The following DLGAP2 variants were observed in gnomAD, a reference collection of about 807,000 sequenced individuals.
The protein encoded by DLGAP2 is disks large-associated protein 2.
Under a neutral mutation model 100.3 loss-of-function variants are expected in DLGAP2, and 26 were observed. That is an observed-to-expected ratio of 0.26 (90% CI 0.19 to 0.36). The LOEUF is 0.36. DLGAP2 is among the 10% of genes least tolerant of loss of function. The pLI is 1.00. For synonymous variants in DLGAP2, 886 were observed against 630.1 expected (o/e 1.41, Z -6.08); for missense variants, 1,858 against 1,453.2 (o/e 1.28, Z -4.53).
intron 3 of DLGAP2, among the ~76,000 whole-genome samples, chr8:1,407,944 G>T (rs1039201322): frequency 1.3e-5 from 2 of 152,314 alleles, no homozygotes; most frequent in Non-Finnish European, 2.9e-5. Flanking sequence ...AGGGCTTCCA[G>T]CATTTCCTTG....
At chr8:1,081,112 A>G (rs1364437512) in intron 2 of DLGAP2, among the ~76,000 whole-genome samples, 16 of 152,172 alleles carry the variant, frequency 1.1e-4, no homozygotes, top group Admixed American at 9.2e-4. Flanking sequence ...ATTTTTTACA[A>G]TTGAAATAAT....
At chr8:892,461 T>A (rs939504782) in intron 1 of DLGAP2, among the ~76,000 whole-genome samples, 1 of 152,156 alleles carries the variant, frequency 6.6e-6, no homozygotes, top group Non-Finnish European at 1.5e-5. Flanking sequence ...AAGACCTTGC[T>A]GTGTGACTCC....
intron 3 of DLGAP2, among the ~76,000 whole-genome samples, chr8:1,368,107 T>TTGTATGTATGTAGGCATGTGCG (rs1563109128): frequency 6.6e-6 from 1 of 152,184 alleles, no homozygotes; most frequent in East Asian, 1.9e-4. Flanking sequence ...TGAGTGCTGA[T>TTGTATGTATGTAGGCATGTGCG]TGTATGTATG....
Position 1,502,930 on chromosome 8 carries a change from C to G in DLGAP2, c.172+1499C>G, listed in dbSNP as rs148229153. 9.2e-5 allele frequency among the ~76,000 whole-genome samples: 14 copies of G among 152,234 alleles called. No individual in the cohort carries two copies. The East Asian group carries it at 2.7e-3, about 30-fold the overall frequency. ...TGGGCTCAGGCACAGTGAAAAGAAC[C>G]TGGAGGCTGGAGCAGGGGGCACAGA... is the stretch of plus-strand genomic sequence containing the variant. On this transcript the variant is annotated intron_variant, in intron 4 of 14. Transcript: ENST00000637795.
chr8:1,379,050 T>C (rs928202112), intron 3 of DLGAP2, among the ~76,000 whole-genome samples: 1 of 152,228 alleles, frequency 6.6e-6, no homozygotes. Context: ...AATGAAAAAA[T>C]TCAATTTCTT....
chr8:1,349,720 G>A lies in DLGAP2; in HGVS notation c.106+90837G>A, dbSNP rs372396809. Reference sequence around the variant, plus strand: ...CATCCACGCATGTCATGAGCCTCCCGCCCACATCCACACACAGGTAGGAAG... The same window carrying A: ...CATCCACGCATGTCATGAGCCTCCCACCCACATCCACACACAGGTAGGAAG... On this transcript the variant is annotated intron_variant, in intron 3 of 14. Coordinates refer to ENST00000637795, the MANE Select transcript of DLGAP2 (RefSeq NM_001346810.2). 1.3e-5 allele frequency among the ~76,000 whole-genome samples: 2 copies of A among 151,514 alleles called. 1 individual carries two copies. Among genetic ancestry groups the A allele is most frequent in the Non-Finnish European group, 2.9e-5 (2 of 67,846 alleles).
chr8:1,420,375 A>G lies in DLGAP2; in HGVS notation c.107-80991A>G, dbSNP rs1284965842. 3.3e-5 allele frequency among the ~76,000 whole-genome samples: 5 copies of G among 152,178 alleles called. No homozygotes were observed. In the East Asian group the frequency reaches 9.6e-4, roughly 29 times the overall value. The stretch of plus-strand genomic sequence containing the variant: ...CAACAGTGTTCAGATAAATACACGT[A>G]AATGAAGCCTATTTCTGGCCACCTC... On this transcript the variant is annotated intron_variant, in intron 3 of 14. Coordinates refer to ENST00000637795, the MANE Select transcript of DLGAP2 (RefSeq NM_001346810.2).
chr8:1,268,825 G>T (rs531095728), intron 3 of DLGAP2, among the ~76,000 whole-genome samples: 2 of 152,216 alleles, frequency 1.3e-5, no homozygotes, highest in South Asian at 2.1e-4. Flanking sequence ...GTCTCACTCT[G>T]ACTTGGCAGG....
At chr8:891,762 A>C (rs989974772) in intron 1 of DLGAP2, 1 of 152,294 alleles carries the variant, frequency 6.6e-6, no homozygotes, top group Non-Finnish European at 1.5e-5. Context: ...AAAGCACGCC[A>C]GGATCCCAGC....
At chr8:760,997 C>T (rs948067591) in intron 1 of DLGAP2, among the ~76,000 whole-genome samples, 12 of 152,256 alleles carry the variant, frequency 7.9e-5, no homozygotes, top group South Asian at 4.1e-4. Context: ...GCATTTTGAT[C>T]GGGGGACATA....
chr8:1,022,739 C>G (rs923757294), intron 2 of DLGAP2, among the ~76,000 whole-genome samples: 16 of 151,482 alleles, frequency 1.1e-4, no homozygotes, highest in Admixed American at 2.6e-4. Flanking sequence ...GGTAGATGCT[C>G]CAACCACAAT....
intron 3 of DLGAP2, among the ~76,000 whole-genome samples, chr8:1,274,802 C>G (rs1799650651): frequency 7.4e-6 from 1 of 136,004 alleles, no homozygotes; most frequent in Non-Finnish European, 1.5e-5. Context: ...GTATATAATT[C>G]CAAACAAAAG....
intron 6 of DLGAP2, among the ~76,000 whole-genome samples, chr8:1,617,323 A>C (rs1197651798): frequency 2.0e-5 from 3 of 152,176 alleles, no homozygotes; most frequent in African/African-American, 7.2e-5. Context: ...CCAATGGTTG[A>C]ACTAATTTAT....
In DLGAP2 at chr8:825,437, G is replaced by A. The variant is rs556016134; in HGVS notation, c.19-82475G>A. On this transcript the variant is annotated intron_variant, in intron 1 of 14. Transcript: ENST00000637795. ...AGCTGGCCTCTGCCCGGAGGCAGCC[G>A]CACTTCCTTCCAGCGGTGAGTGCCA... Among the ~76,000 whole-genome samples, 27 of 152,270 alleles carry A rather than the reference G, an allele frequency of 1.8e-4. 1 individual carries two copies. In the South Asian group the frequency reaches 5.0e-3, roughly 28 times the overall value.
At chr8:1,346,748 G>A (rs894991682) in intron 3 of DLGAP2, among the ~76,000 whole-genome samples, 2 of 142,100 alleles carry the variant, frequency 1.4e-5, no homozygotes, top group African/African-American at 5.5e-5. Flanking sequence ...TTGCACTCAC[G>A]GTAGCTGTGT....
chr8:1,505,223 C>G (rs1030812634), intron 4 of DLGAP2, among the ~76,000 whole-genome samples: 3 of 152,062 alleles, frequency 2.0e-5, no homozygotes, highest in African/African-American at 7.2e-5. Context: ...TCTACTGGGT[C>G]AAATTAAAAT....
At chr8:1,451,090 T>C (rs1387047850) in intron 3 of DLGAP2, among the ~76,000 whole-genome samples, 1 of 151,990 alleles carries the variant, frequency 6.6e-6, no homozygotes. Context: ...GTAACACATA[T>C]CCTACTTAGT....
At chr8:1,371,078 A>G (rs1391683639) in intron 3 of DLGAP2, among the ~76,000 whole-genome samples, 1 of 152,218 alleles carries the variant, frequency 6.6e-6, no homozygotes, top group Admixed American at 6.5e-5. Flanking sequence ...TGGCTGAGGC[A>G]CTGTCATTGC....
chr8:994,912 C>T (rs1800743900), intron 2 of DLGAP2, among the ~76,000 whole-genome samples: 1 of 152,114 alleles, frequency 6.6e-6, no homozygotes, highest in Non-Finnish European at 1.5e-5. Context: ...AATAGAATGT[C>T]TAAGGAAAAT....
Sources: gnomAD v4.1 joint callset for allele counts (sites outside exome capture counted in the v4.1 genomes callset) on GRCh38, gnomAD v4.1.1 for gene constraint, MANE v1.5 for transcripts, NCBI Gene and HGNC (gene_info 2026-07-23, HGNC 2026-07-21) for gene names.